Variants in TMEM244 observed in about 807,000 individuals in gnomAD.
The protein encoded by TMEM244 is transmembrane protein 244.
Under a neutral mutation model 15.8 loss-of-function variants are expected in TMEM244, and 13 were observed. That is an observed-to-expected ratio of 0.82 (90% CI 0.53 to 1.30). TMEM244 has a LOEUF of 1.30. TMEM244 is among the 50% of genes most tolerant of loss of function. TMEM244 has a pLI of 0.00. For synonymous variants in TMEM244, 45 were observed against 48.7 expected (o/e 0.92, Z 0.32); for missense variants, 161 against 144.9 (o/e 1.11, Z -0.57).
chr6:129,837,014 C>G (rs1193988345), intron 3 of TMEM244, among the ~76,000 whole-genome samples: 1 of 152,142 alleles, frequency 6.6e-6, no homozygotes, highest in Non-Finnish European at 1.5e-5. Context: ...GGATATCATC[C>G]AGGAGAACTT....
intron 1 of TMEM244, among the ~76,000 whole-genome samples, chr6:129,856,676 C>T (rs1219291180): frequency 6.6e-6 from 1 of 151,968 alleles, no homozygotes; most frequent in Admixed American, 6.6e-5. Flanking sequence ...TTAAAAATAT[C>T]TAGTAAGGCT....
At chr6:129,859,471 G>A (rs1338583215) in intron 1 of TMEM244, among the ~76,000 whole-genome samples, 2 of 152,232 alleles carry the variant, frequency 1.3e-5, no homozygotes, top group African/African-American at 4.8e-5. Flanking sequence ...AAATTCTCCA[G>A]TTCAGGTGAA....
At chr6:129,853,683 T>C (rs902777614) in intron 1 of TMEM244, among the ~76,000 whole-genome samples, 7 of 152,194 alleles carry the variant, frequency 4.6e-5, no homozygotes, top group African/African-American at 1.7e-4. Context: ...AAGTTGAAAT[T>C]AAGAAAAGAC....
chr6:129,841,992 G>A (rs898564596), intron 3 of TMEM244, among the ~76,000 whole-genome samples: 2 of 152,218 alleles, frequency 1.3e-5, no homozygotes, highest in South Asian at 2.1e-4. Flanking sequence ...GATCTAATAC[G>A]CTAAGGTTTT....
At position 129,851,308 on chromosome 6, in the gene TMEM244, G is replaced by A. The variant is rs149102752; in HGVS notation, c.34-5456C>T. Among the ~76,000 whole-genome samples the A allele has an allele frequency of 3.7e-3, 559 of 151,918 alleles. 2 individuals carry two copies. Among genetic ancestry groups the A allele is most frequent in the African/African-American group, 0.012 (515 of 41,406 alleles). ...TTTTGAGATGGAGTCTTGCTTTGTC[G>A]CCTGGGCTGGAGTGCCATGGTTTGA... On this transcript the variant is annotated intron_variant, in intron 1 of 4. Transcript: ENST00000368143.
At chr6:129,834,788 T>A (rs1776380264) in intron 3 of TMEM244, among the ~76,000 whole-genome samples, 1 of 152,194 alleles carries the variant, frequency 6.6e-6, no homozygotes, top group African/African-American at 2.4e-5. Flanking sequence ...AGGAAAGAAC[T>A]GTCCTGTTGT....
At chr6:129,832,093 C>CTTTTT (rs1177577598) in intron 4 of TMEM244, among the ~76,000 whole-genome samples, 2 of 114,162 alleles carry the variant, frequency 1.8e-5, no homozygotes, top group Non-Finnish European at 1.8e-5. Flanking sequence ...ACAGATTGTA[C>CTTTTT]TTTTTTTTTT....
intron 1 of TMEM244, among the ~76,000 whole-genome samples, chr6:129,853,817 A>ACGT (rs1171455489): frequency 6.6e-6 from 1 of 152,214 alleles, no homozygotes; most frequent in African/African-American, 2.4e-5. Context: ...GAGCATGTGC[A>ACGT]CGTGGCATCC....
At chr6:129,849,244 G>A (rs1776603704) in intron 1 of TMEM244, among the ~76,000 whole-genome samples, 1 of 151,806 alleles carries the variant, frequency 6.6e-6, no homozygotes, top group Non-Finnish European at 1.5e-5. Context: ...GGAAATATTT[G>A]GAAAAGCAAG....
chr6:129,859,912 G>A (rs1438703971), intron 1 of TMEM244, among the ~76,000 whole-genome samples: 2 of 152,130 alleles, frequency 1.3e-5, no homozygotes, highest in African/African-American at 4.8e-5. Context: ...CAGTGAACAA[G>A]CACTTAAAAG....
chr6:129,841,476 G>A (rs1034042889), intron 3 of TMEM244, among the ~76,000 whole-genome samples: 5 of 151,934 alleles, frequency 3.3e-5, no homozygotes, highest in South Asian at 2.1e-4. Flanking sequence ...TGTAAATGAC[G>A]AGTTGATGGG....
At chr6:129,832,138 C>T (rs1348185885) in intron 4 of TMEM244, among the ~76,000 whole-genome samples, 2 of 142,292 alleles carry the variant, frequency 1.4e-5, no homozygotes, top group Admixed American at 7.2e-5. Context: ...TGCTCTGTTG[C>T]CCAGGTTGGA....
chr6:129,836,230 C>T (rs977059084), intron 3 of TMEM244, among the ~76,000 whole-genome samples: 8 of 152,144 alleles, frequency 5.3e-5, no homozygotes, highest in African/African-American at 1.7e-4. Flanking sequence ...GATCAGGCAG[C>T]AATATTTGCT....
chr6:129,850,066 T>C (rs1177569743), intron 1 of TMEM244, among the ~76,000 whole-genome samples: 1 of 152,186 alleles, frequency 6.6e-6, no homozygotes, highest in Non-Finnish European at 1.5e-5. Context: ...AGAGAGGTCT[T>C]GTAACTTTCT....
chr6:129,844,681 G>A (rs1482123691), intron 2 of TMEM244, among the ~76,000 whole-genome samples: 1 of 152,200 alleles, frequency 6.6e-6, no homozygotes, highest in Non-Finnish European at 1.5e-5. Context: ...GGTGCTCAGA[G>A]AATCCTAGAG....
chr6:129,854,011 G>A (rs942345227), intron 1 of TMEM244, among the ~76,000 whole-genome samples: 7 of 152,082 alleles, frequency 4.6e-5, no homozygotes, highest in South Asian at 2.1e-4. Context: ...TCTTGTTGTC[G>A]CATTTAACAA....
intron 1 of TMEM244, among the ~76,000 whole-genome samples, chr6:129,852,833 G>A (rs778967597): frequency 5.3e-5 from 8 of 151,898 alleles, no homozygotes; most frequent in East Asian, 1.9e-4. Context: ...TTCTCCATAC[G>A]TGCCCCAAAA....
chr6:129,845,412 G>A (rs1479407696), intron 2 of TMEM244, among the ~76,000 whole-genome samples: 1 of 152,140 alleles, frequency 6.6e-6, no homozygotes, highest in East Asian at 1.9e-4. Context: ...AGTCCTAAGT[G>A]ATTCTATCCA....
chr6:129,842,041 G>T (rs1584184914), intron 3 of TMEM244, among the ~76,000 whole-genome samples: 1 of 152,136 alleles, frequency 6.6e-6, no homozygotes, highest in East Asian at 1.9e-4. Context: ...TTCATGAGAG[G>T]AAAGGACGAC....
Sources: allele counts gnomAD v4.1 joint callset (sites outside exome capture counted in the v4.1 genomes callset), GRCh38; gene constraint gnomAD v4.1.1; transcripts MANE v1.5; gene names NCBI Gene and HGNC (gene_info 2026-07-23, HGNC 2026-07-21).